PLEKHA7: variants seen among roughly 807,000 people sequenced by gnomAD.
PLEKHA7 encodes pleckstrin homology domain-containing family A member 7.
Under a neutral mutation model 170.0 loss-of-function variants are expected in PLEKHA7, and 104 were observed. The observed-to-expected ratio is 0.61, with a 90% confidence interval of 0.52 to 0.72. The LOEUF is 0.72. Ranked by LOEUF, PLEKHA7 falls within the 30% of genes least tolerant of loss-of-function variation. PLEKHA7 has a pLI of 0.00. For missense variants in PLEKHA7, 1,615 were observed against 1,671.7 expected (o/e 0.97, Z 0.59); for synonymous variants, 648 against 660.8 (o/e 0.98, Z 0.30).
intron 8 of PLEKHA7, among the ~76,000 whole-genome samples, chr11:16,847,182 C>T (rs943969997): frequency 2.7e-5 from 4 of 148,940 alleles, no homozygotes; most frequent in African/African-American, 4.9e-5. Context: ...CTGCAAGCTC[C>T]GTCTCCCCGG....
intron 3 of PLEKHA7, among the ~76,000 whole-genome samples, chr11:16,910,060 T>C (rs1858139858): frequency 6.6e-6 from 1 of 152,086 alleles, no homozygotes; most frequent in South Asian, 2.1e-4. Flanking sequence ...GATAATATAC[T>C]TGGCCAAATA....
chr11:16,944,736 C>T (rs968873028), intron 3 of PLEKHA7, among the ~76,000 whole-genome samples: 4 of 152,068 alleles, frequency 2.6e-5, no homozygotes, highest in African/African-American at 9.7e-5. Flanking sequence ...AGATGTTTTT[C>T]TCTGTAATTT....
chr11:16,901,968 A>T (rs1008411267), intron 3 of PLEKHA7, among the ~76,000 whole-genome samples: 1 of 152,184 alleles, frequency 6.6e-6, no homozygotes. Context: ...TCATTGCCCT[A>T]AATGGAAGTC....
chr11:16,826,002 G>C, intron 10 of PLEKHA7, 118 bp downstream of exon 10: 3 of 1,012,628 alleles, frequency 3.0e-6, no homozygotes, highest in South Asian at 3.1e-5. Flanking sequence ...GATTTACGTA[G>C]GTAATGGCAG....
chr11:16,788,394 G>A (rs1028258592), intron 23 of PLEKHA7: 2 of 152,736 alleles, frequency 1.3e-5, no homozygotes, highest in Non-Finnish European at 2.9e-5. Flanking sequence ...GAGGCAATGA[G>A]CGGTAACACT....
chr11:16,778,916 T>A lies in PLEKHA7; in HGVS notation c.*82A>T, dbSNP rs1006942448. On this transcript the variant is annotated 3_prime_UTR_variant, in exon 27 of 27. Transcript: ENST00000531066. ...GATTCCCTGCTCAGCTGGAAGGGGT[T>A]TCCTTGGGGGCAGAAAGGTCATCTC... 2.8e-6 allele frequency: 2 copies of A among 701,958 alleles called. No individual in the cohort carries two copies. Among genetic ancestry groups the A allele is most frequent in the Non-Finnish European group, 2.6e-6 (1 of 384,562 alleles). 43.5% of individuals were successfully genotyped at this position (701,958 alleles called of 1,614,324 possible). A position where few individuals can be genotyped will look rare whatever the true frequency, so the allele number is the denominator to read the frequency against.
At chr11:16,992,722 C>G (rs1265716040) in intron 3 of PLEKHA7, among the ~76,000 whole-genome samples, 2 of 149,632 alleles carry the variant, frequency 1.3e-5, no homozygotes, top group African/African-American at 5.0e-5. Flanking sequence ...CGCCACTGCA[C>G]TCCAGCCTGG....
At chr11:16,960,052 G>C (rs983363418) in intron 3 of PLEKHA7, among the ~76,000 whole-genome samples, 3 of 152,138 alleles carry the variant, frequency 2.0e-5, no homozygotes, top group African/African-American at 7.2e-5. Context: ...CCCTCCTTTC[G>C]CTGGCCCAGG....
At position 16,913,414 on chromosome 11, in the gene PLEKHA7, C is replaced by T. The variant is rs570685116; in HGVS notation, c.222-42232G>A. ...CTACCTGGTGTTATCAGCAGCAACT[C>T]GATGCAAGGACTGCCCTCCCAGTCT... On this transcript the variant is annotated intron_variant, in intron 3 of 26. Coordinates refer to ENST00000531066, the MANE Select transcript of PLEKHA7 (RefSeq NM_001329630.2). Among the ~76,000 whole-genome samples the T allele has an allele frequency of 2.6e-5, 4 of 152,262 alleles. No individual in the cohort carries two copies. In the South Asian group the frequency reaches 6.2e-4, roughly 24 times the overall value.
intron 13 of PLEKHA7, 90 bp downstream of exon 13, chr11:16,813,023 C>T (rs571710381): frequency 9.1e-7 from 1 of 1,100,246 alleles, no homozygotes; most frequent in Admixed American, 1.8e-5. Flanking sequence ...TAAGACCTGT[C>T]TGGCCTTTGG....
intron 3 of PLEKHA7, among the ~76,000 whole-genome samples, chr11:16,927,499 C>CTG (rs1433891612): frequency 2.0e-5 from 3 of 152,076 alleles, no homozygotes; most frequent in Admixed American, 2.0e-4. Context: ...CAGCACTTAT[C>CTG]ATCTCTAGCC....
chr11:16,940,865 A>G (rs1219626182), intron 3 of PLEKHA7, among the ~76,000 whole-genome samples: 1 of 152,126 alleles, frequency 6.6e-6, no homozygotes, highest in Non-Finnish European at 1.5e-5. Flanking sequence ...AGGGCTGTAG[A>G]CAACAGGCCC....
chr11:16,976,221 G>C (rs1439783645), intron 3 of PLEKHA7, among the ~76,000 whole-genome samples: 1 of 152,232 alleles, frequency 6.6e-6, no homozygotes, highest in Non-Finnish European at 1.5e-5. Context: ...TAAGAAATAA[G>C]GCCTGGGAGT....
chr11:16,939,477 G>T (rs988642131), intron 3 of PLEKHA7, among the ~76,000 whole-genome samples: 2 of 152,076 alleles, frequency 1.3e-5, no homozygotes, highest in Non-Finnish European at 2.9e-5. Flanking sequence ...ATAGATAAAA[G>T]CTATGAAGAT....
intron 17 of PLEKHA7, among the ~76,000 whole-genome samples, chr11:16,800,091 A>G (rs185551084): frequency 6.6e-6 from 1 of 152,356 alleles, no homozygotes; most frequent in African/African-American, 2.4e-5. Flanking sequence ...CAGCACCAAA[A>G]GTGGCCCAGC....
chr11:16,950,078 G>C (rs962153864), intron 3 of PLEKHA7, among the ~76,000 whole-genome samples: 4 of 133,270 alleles, frequency 3.0e-5, no homozygotes, highest in African/African-American at 1.1e-4. Flanking sequence ...TAAAGTGTGT[G>C]TGGGGCGGGG....
At position 16,839,975 on chromosome 11, in the gene PLEKHA7, G is replaced by A. The variant is rs186998524; in HGVS notation, c.872+1572C>T. On this transcript the variant is annotated intron_variant, in intron 9 of 26. Coordinates refer to ENST00000531066, the MANE Select transcript of PLEKHA7 (RefSeq NM_001329630.2). ...AAATCTACCCAGTTTCCTTCTCCTG[G>A]GGTGAGAGGGGAAATGCCAACCACA... 1.5e-3 allele frequency among the ~76,000 whole-genome samples: 233 copies of A among 152,236 alleles called. 1 individual carries two copies. The highest frequency in any genetic ancestry group is 2.4e-3 in the Non-Finnish European group (161 of 68,022).
intron 9 of PLEKHA7, 36 bp from the exon 10 acceptor site, chr11:16,826,626 G>A: frequency 3.9e-6 from 6 of 1,555,790 alleles, no homozygotes; most frequent in Non-Finnish European, 5.3e-6. Flanking sequence ...TTGCTCCACA[G>A]CCAAGACTCC....
At chr11:16,963,097 G>A (rs897069386) in intron 3 of PLEKHA7, among the ~76,000 whole-genome samples, 5 of 152,198 alleles carry the variant, frequency 3.3e-5, no homozygotes, top group East Asian at 1.9e-4. Context: ...GATGTATCAC[G>A]GAAAGACAAG....
Sources: allele counts gnomAD v4.1 joint callset (sites outside exome capture counted in the v4.1 genomes callset), GRCh38; gene constraint gnomAD v4.1.1; transcripts MANE v1.5; gene names NCBI Gene and HGNC (gene_info 2026-07-23, HGNC 2026-07-21).